C1orf185: variants seen among roughly 807,000 people sequenced by gnomAD.
The protein encoded by C1orf185 is uncharacterized protein C1orf185.
In C1orf185, 13 loss-of-function variants were observed where a neutral mutation model predicts 16.1. The ratio of observed to expected loss-of-function variants is 0.81; its 90% CI spans 0.53 to 1.28. The LOEUF (loss-of-function observed/expected upper bound fraction) is 1.28. Ranked by LOEUF, C1orf185 falls within the 50% of genes most tolerant of loss-of-function variation. C1orf185 has a pLI of 0.00. For missense variants in C1orf185, 220 were observed against 225.2 expected (o/e 0.98, Z 0.15); for synonymous variants, 80 against 76.9 (o/e 1.04, Z -0.21).
rs1363589483 is a variant in C1orf185 at position 51,147,912 on chromosome 1, T to C, written c.*141T>C. ...ATCAGCTTCTGAGTCTCTTAACATG[T>C]CCATGCTAATATTGCTTTTTTTGTT... On this transcript the variant is annotated 3_prime_UTR_variant, in exon 5 of 5. Transcript: ENST00000371759. The C allele has an allele frequency of 9.5e-6, 7 of 734,860 alleles. No individual in the cohort carries two copies. The highest frequency in any genetic ancestry group is 6.9e-5 in the Admixed American group (2 of 28,936). The allele number at this position is 734,860 out of a possible 1,614,324, so 45.5% of individuals were successfully genotyped here.
At position 51,147,844 on chromosome 1, in the gene C1orf185, A is replaced by G; in HGVS notation, c.*73A>G. 7.8e-7 allele frequency: 1 copy of G among 1,290,168 alleles called. No homozygotes were observed. Among genetic ancestry groups the G allele is most frequent in the Non-Finnish European group, 1.0e-6 (1 of 969,060 alleles). 79.9% of individuals were successfully genotyped at this position (1,290,168 alleles called of 1,614,324 possible). On this transcript the variant is annotated 3_prime_UTR_variant, in exon 5 of 5. Transcript: ENST00000371759. ...CAGAGGTTGAAATATAAAACCTTCA[A>G]CATAATACTGAATGACTTTTTTCTT...
At chr1:51,114,754 A>G (rs1221885529) in intron 2 of C1orf185, among the ~76,000 whole-genome samples, 1 of 151,862 alleles carries the variant, frequency 6.6e-6, no homozygotes, top group Non-Finnish European at 1.5e-5. Flanking sequence ...ACTATCCTAT[A>G]GCTGATTTAC....
At chr1:51,105,209 T>G (rs970339757) in intron 1 of C1orf185, among the ~76,000 whole-genome samples, 2 of 152,048 alleles carry the variant, frequency 1.3e-5, no homozygotes, top group African/African-American at 4.8e-5. Context: ...TCAGATGATC[T>G]GCCTGCCTCG....
chr1:51,105,140 T>C (rs1031744706), intron 1 of C1orf185, among the ~76,000 whole-genome samples: 1 of 152,048 alleles, frequency 6.6e-6, no homozygotes, highest in Non-Finnish European at 1.5e-5. Flanking sequence ...TGTTTTGTTT[T>C]GTTTTTAGTA....
chr1:51,125,777 T>C (rs1646235585), intron 3 of C1orf185, among the ~76,000 whole-genome samples: 1 of 152,112 alleles, frequency 6.6e-6, no homozygotes, highest in African/African-American at 2.4e-5. Context: ...AGAGTAACTA[T>C]GAAGGAGATA....
At chr1:51,102,482 T>A (rs1440560887) in intron 1 of C1orf185, 2 of 303,842 alleles carry the variant, frequency 6.6e-6, no homozygotes, top group African/African-American at 2.2e-5. Flanking sequence ...ATATGTTTTC[T>A]ATTACTTCTT....
At chr1:51,148,719 G>T (rs1373927523), downstream of C1orf185, among the ~76,000 whole-genome samples, 2 of 151,924 alleles carry the variant, frequency 1.3e-5, no homozygotes, top group African/African-American at 4.8e-5. Context: ...TTGAGCCCAG[G>T]AGTTTGAGAC....
chr1:51,149,891 G>C (rs1646422310), downstream of C1orf185, among the ~76,000 whole-genome samples: 1 of 152,176 alleles, frequency 6.6e-6, no homozygotes, highest in Non-Finnish European at 1.5e-5. Context: ...TCTTGGCTTG[G>C]TAAGGTATTC....
At chr1:51,108,340 T>A (rs1191899514) in intron 1 of C1orf185, among the ~76,000 whole-genome samples, 1 of 152,134 alleles carries the variant, frequency 6.6e-6, no homozygotes, top group Non-Finnish European at 1.5e-5. Context: ...TGGGGTACAG[T>A]GTGATATTTT....
intron 1 of C1orf185, among the ~76,000 whole-genome samples, chr1:51,108,558 A>G (rs1646090429): frequency 6.6e-6 from 1 of 152,086 alleles, no homozygotes; most frequent in Admixed American, 6.6e-5. Flanking sequence ...GTACCCATTA[A>G]CCAACTTCTC....
intron 3 of C1orf185, among the ~76,000 whole-genome samples, chr1:51,128,748 G>A (rs1158890003): frequency 1.3e-5 from 2 of 152,122 alleles, no homozygotes; most frequent in African/African-American, 4.8e-5. Context: ...ATATTTCCCT[G>A]ATGACTAAAG....
At position 51,111,370 on chromosome 1, in the gene C1orf185, C is replaced by CTTTTTTTTTTTTTTTTTT. The variant is rs35232347; in HGVS notation, c.17-1091_17-1090insTTTTTTTTTTTTTTTTTT. 5.1e-4 allele frequency among the ~76,000 whole-genome samples: 58 copies of CTTTTTTTTTTTTTTTTTT among 114,406 alleles called. 11 individuals are homozygous for CTTTTTTTTTTTTTTTTTT. The highest frequency in any genetic ancestry group is 1.1e-3 in the African/African-American group (30 of 27,338). 75.1% of individuals were successfully genotyped at this position (114,406 alleles called of 152,430 possible). A position where few individuals can be genotyped will look rare whatever the true frequency, so the allele number is the denominator to read the frequency against. On this transcript the variant is annotated intron_variant, in intron 1 of 4. Transcript: ENST00000371759. Reference sequence around the variant, plus strand: ...ATATTGCTTTCATTTAGCTTTCTTTCTTTCTTTTTTTTTTTTTTTGAGAGA... The same window carrying CTTTTTTTTTTTTTTTTTT: ...ATATTGCTTTCATTTAGCTTTCTTTCTTTTTTTTTTTTTTTTTTTTTCTTTTTTTTTTTTTTTGAGAGA...
intron 3 of C1orf185, among the ~76,000 whole-genome samples, chr1:51,119,628 A>G (rs1646183221): frequency 6.6e-6 from 1 of 152,218 alleles, no homozygotes. Flanking sequence ...CCCTATCTCT[A>G]TAAAAATTTT....
rs753881327 is a variant in C1orf185, at chr1:51,103,535, C to CT, written c.16+1302dup. On this transcript the variant is annotated intron_variant, in intron 1 of 4. Coordinates refer to ENST00000371759, the MANE Select transcript of C1orf185 (RefSeq NM_001136508.2). ...GCATGTTAAATTTCAGATGTCTTTC[C>CT]TTTTTTTTTTTTTTTTGAGACTGAG... 5.5e-3 allele frequency among the ~76,000 whole-genome samples: 740 copies of CT among 133,536 alleles called. 8 individuals carry two copies. Among genetic ancestry groups the CT allele is most frequent in the African/African-American group, 0.015 (540 of 36,690 alleles). 87.6% of individuals were successfully genotyped at this position (133,536 alleles called of 152,430 possible).
intron 3 of C1orf185, among the ~76,000 whole-genome samples, chr1:51,120,766 G>T (rs2148016802): frequency 6.6e-6 from 1 of 152,240 alleles, no homozygotes; most frequent in Non-Finnish European, 1.5e-5. Flanking sequence ...TTACAAAAGT[G>T]TCATGAGTGC....
At chr1:51,144,794 G>T (rs1244291629) in intron 3 of C1orf185, among the ~76,000 whole-genome samples, 1 of 152,120 alleles carries the variant, frequency 6.6e-6, no homozygotes, top group East Asian at 1.9e-4. Flanking sequence ...ATGCAGATCA[G>T]CACAGAGCAC....
chr1:51,136,145 A>G (rs570059318), intron 3 of C1orf185, among the ~76,000 whole-genome samples: 1 of 152,284 alleles, frequency 6.6e-6, no homozygotes, highest in Admixed American at 6.5e-5. Context: ...ACACTGCTCA[A>G]AGAAATCAGA....
intron 3 of C1orf185, among the ~76,000 whole-genome samples, chr1:51,124,845 C>G (rs1570305656): frequency 1.3e-5 from 2 of 152,306 alleles, no homozygotes; most frequent in Admixed American, 1.3e-4. Context: ...TCACTTTATT[C>G]TGTCTGGACA....
At chr1:51,133,016 G>C (rs2405400) in intron 3 of C1orf185, among the ~76,000 whole-genome samples, 43,071 of 152,020 alleles carry the variant, frequency 0.28, 8,074 homozygotes, top group East Asian at 0.72. Flanking sequence ...AATTCTGAGA[G>C]AATTCATTAC....
Sources: gnomAD v4.1 joint callset for allele counts (sites outside exome capture counted in the v4.1 genomes callset) on GRCh38, gnomAD v4.1.1 for gene constraint, MANE v1.5 for transcripts, NCBI Gene and HGNC (gene_info 2026-07-23, HGNC 2026-07-21) for gene names.